The following ST13 variants were observed in gnomAD, a reference collection of about 807,000 sequenced individuals.
ST13 encodes ST13 Hsp70 interacting protein.
In ST13, 23 loss-of-function variants were observed where a neutral mutation model predicts 56.7. That is an observed-to-expected ratio of 0.41 (90% confidence interval 0.29 to 0.57). The LOEUF is 0.57. Ranked by LOEUF, ST13 falls within the 20% of genes least tolerant of loss-of-function variation. The pLI, the probability that ST13 is intolerant of heterozygous loss-of-function variation, is 0.36. For missense variants in ST13, 369 were observed against 459.9 expected (o/e 0.80, Z 1.81); for synonymous variants, 132 against 142.4 (o/e 0.93, Z 0.52).
intron 11 of ST13, 76 bp from the exon 12 acceptor site, chr22:40,826,742 C>G: frequency 6.5e-7 from 1 of 1,527,034 alleles, no homozygotes; most frequent in Non-Finnish European, 8.9e-7. Context: ...AATTCCATCT[C>G]TTATTTAGAC....
chr22:40,840,816 G>T (rs2057800743), intron 4 of ST13, 124 bp from the exon 5 acceptor site: 2 of 701,802 alleles, frequency 2.8e-6, no homozygotes, highest in Non-Finnish European at 4.8e-6. Context: ...GTAGTCTCCA[G>T]AGAACAAAGA....
At chr22:40,832,796 C>T (rs1047340932) in intron 7 of ST13, 125 bp from the exon 8 acceptor site, 1 of 683,718 alleles carries the variant, frequency 1.5e-6, no homozygotes, top group Non-Finnish European at 2.5e-6. Context: ...TAACTATAAA[C>T]TTTCACTAAC....
At chr22:40,833,781 G>A (rs2057764913) in intron 7 of ST13, among the ~76,000 whole-genome samples, 1 of 151,776 alleles carries the variant, frequency 6.6e-6, no homozygotes, top group African/African-American at 2.4e-5. Context: ...TGAGGCAGGA[G>A]AACCGCTTGA....
rs749833471 is a variant in ST13, at chr22:40,850,903, A to G, written c.111-23T>C. On this transcript the variant is annotated intron_variant, in intron 1 of 11. Transcript: ENST00000216218. Reference sequence around the variant, plus strand: ...ATGCTTGAAGAAGATGAGAAAAAAGATATTTGTTTAGAAAATTAAAATTCA... The same window carrying G: ...ATGCTTGAAGAAGATGAGAAAAAAGGTATTTGTTTAGAAAATTAAAATTCA... 15 of 1,568,114 alleles carry G rather than the reference A, an allele frequency of 9.6e-6. 1 individual carries two copies. The highest frequency in any genetic ancestry group is 5.5e-5 in the African/African-American group (4 of 72,576).
chr22:40,827,241 A>G lies in ST13; in HGVS notation c.848-12T>C, dbSNP rs1394796818. ...CCCAGGAAAGCCACCTGTAATAAAA[A>G]ATGAATAGACACTAATCATACTCCC... On this transcript the variant is annotated splice_polypyrimidine_tract_variant and intron_variant, in intron 10 of 11. Coordinates refer to ENST00000216218, the MANE Select transcript of ST13 (RefSeq NM_003932.5). 1 of 1,613,074 alleles carries G rather than the reference A, an allele frequency of 6.2e-7. No individual in the cohort carries two copies. Among genetic ancestry groups the G allele is most frequent in the African/African-American group, 1.3e-5 (1 of 74,916 alleles).
intron 3 of ST13, among the ~76,000 whole-genome samples, chr22:40,846,602 G>C (rs115182434): frequency 0.012 from 1,863 of 152,304 alleles, 37 homozygotes; most frequent in African/African-American, 0.042. Flanking sequence ...CTGGTAGAAA[G>C]TAAGACTAAA....
chr22:40,835,844 C>A lies in ST13; in HGVS notation c.426G>T (p.Lys142Asn). 1 of 1,613,568 alleles carries A rather than the reference C, an allele frequency of 6.2e-7. No homozygotes were observed. Among genetic ancestry groups the A allele is most frequent in the African/African-American group, 1.3e-5 (1 of 75,024 alleles). Residue 142 changes from lysine to asparagine, a missense_variant, in exon 6 of 12, where the codon AAG (lysine) becomes AAT (asparagine). Transcript: ENST00000216218. The stretch of plus-strand genomic sequence containing the variant: ...ACAAAATGGCCAAGCGAGGATTCAG[C>A]TTGATGGCATCTGTGAATAAGTCAA... ...KAIDLFTDAI[K>N]LNPRLAILYA...
chr22:40,827,008 G>A, intron 11 of ST13, 88 bp downstream of exon 11: 1 of 1,397,288 alleles, frequency 7.2e-7, no homozygotes, highest in South Asian at 1.4e-5. Flanking sequence ...ATAAAAAATA[G>A]CTATGAGAGT....
At chr22:40,855,713 ACTT>A (rs1298440665) in intron 1 of ST13, among the ~76,000 whole-genome samples, 8 of 152,224 alleles carry the variant, frequency 5.3e-5, no homozygotes, top group African/African-American at 1.9e-4. Context: ...AATAGACAGT[ACTT>A]ATACTGTTTC....
chr22:40,848,279 C>T lies in ST13; in HGVS notation c.244+15G>A. ...TCATAGGTTTTCAAATACAAACTAA[C>T]TACCGTCTCCTCACCTAGATCACTT... On this transcript the variant is annotated intron_variant, in intron 3 of 11. Coordinates refer to ENST00000216218, the MANE Select transcript of ST13 (RefSeq NM_003932.5). 1 of 1,598,286 alleles carries T rather than the reference C, an allele frequency of 6.3e-7. No individual in the cohort carries two copies. The highest frequency in any genetic ancestry group is 8.6e-7 in the Non-Finnish European group (1 of 1,165,866).
intron 5 of ST13, among the ~76,000 whole-genome samples, chr22:40,839,637 C>T (rs1254514260): frequency 1.3e-5 from 2 of 151,910 alleles, no homozygotes; most frequent in East Asian, 1.9e-4. Context: ...TGGTAGCACA[C>T]GCCTGTAATC....
At chr22:40,852,516 C>G (rs762812706) in intron 1 of ST13, among the ~76,000 whole-genome samples, 2 of 152,030 alleles carry the variant, frequency 1.3e-5, no homozygotes, top group Non-Finnish European at 2.9e-5. Context: ...CAATATGAAG[C>G]AAAAGTATAA....
At chr22:40,846,961 C>G (rs1048179347) in intron 3 of ST13, among the ~76,000 whole-genome samples, 6 of 152,084 alleles carry the variant, frequency 3.9e-5, no homozygotes, top group Admixed American at 1.3e-4. Context: ...TGCCACCACA[C>G]TCCAGCCTGG....
At chr22:40,850,770 A>G in intron 2 of ST13, 53 bp downstream of exon 2, 3 of 1,403,376 alleles carry the variant, frequency 2.1e-6, no homozygotes, top group Non-Finnish European at 2.0e-6. Flanking sequence ...AACAACCCCT[A>G]AGAAATCTTA....
At chr22:40,834,803 T>G (rs931488024) in intron 7 of ST13, among the ~76,000 whole-genome samples, 1 of 152,266 alleles carries the variant, frequency 6.6e-6, no homozygotes, top group Non-Finnish European at 1.5e-5. Context: ...GCTTTTCCTG[T>G]GCTGACACAG....
At chr22:40,841,803 G>A (rs2145742243) in intron 4 of ST13, among the ~76,000 whole-genome samples, 1 of 151,836 alleles carries the variant, frequency 6.6e-6, no homozygotes, top group East Asian at 1.9e-4. Context: ...ATGCTGCCCA[G>A]GCTGGTCTAG....
At chr22:40,844,127 C>T (rs939316675) in intron 4 of ST13, among the ~76,000 whole-genome samples, 15 of 152,088 alleles carry the variant, frequency 9.9e-5, no homozygotes, top group African/African-American at 3.6e-4. Flanking sequence ...AGATGATCCA[C>T]CCACCTCGGC....
chr22:40,844,815 A>G (rs1237453829), intron 4 of ST13, 24 bp downstream of exon 4: 2 of 1,595,900 alleles, frequency 1.3e-6, no homozygotes, highest in Admixed American at 1.7e-5. Context: ...TAGAACAAGC[A>G]GGAAATCAAG....
chr22:40,856,356 G>T, intron 1 of ST13, 75 bp downstream of exon 1: 1 of 1,345,318 alleles, frequency 7.4e-7, no homozygotes, highest in Non-Finnish European at 1.1e-6. Context: ...CCGCCGGACC[G>T]AGCCAGGTCC....
Sources: allele counts gnomAD v4.1 joint callset (sites outside exome capture counted in the v4.1 genomes callset), GRCh38; gene constraint gnomAD v4.1.1; transcripts MANE v1.5; gene names NCBI Gene and HGNC (gene_info 2026-07-23, HGNC 2026-07-21).